DCDC2: variants seen among roughly 807,000 people sequenced by gnomAD.
DCDC2 encodes the protein doublecortin domain-containing protein 2.
In DCDC2, 40 loss-of-function variants were observed where a neutral mutation model predicts 50.2. That is an observed-to-expected ratio of 0.80 (90% CI 0.62 to 1.04). The LOEUF is 1.04. Among genes scored for constraint, DCDC2 ranks in the 50% least tolerant of loss-of-function variants. The pLI is 0.00. For synonymous variants in DCDC2, 234 were observed against 210.6 expected (o/e 1.11, Z -0.96); for missense variants, 570 against 581.9 (o/e 0.98, Z 0.21).
At chr6:24,377,380 C>G in the DCDC2 span, among the ~76,000 whole-genome samples, 1 of 152,130 alleles carries the variant, frequency 6.6e-6, no homozygotes, top group Non-Finnish European at 1.5e-5. Flanking sequence ...AAAAAGCTGA[C>G]TAGAGATTCA....
At chr6:24,266,965 A>G (rs1022286174) in intron 7 of DCDC2, among the ~76,000 whole-genome samples, 2 of 152,238 alleles carry the variant, frequency 1.3e-5, no homozygotes, top group Non-Finnish European at 2.9e-5. Flanking sequence ...CCAGAGTATT[A>G]TCAACCCATA....
At chr6:24,183,011 A>G (rs141763483) in intron 8 of DCDC2, among the ~76,000 whole-genome samples, 237 of 152,360 alleles carry the variant, frequency 1.6e-3, no homozygotes, top group African/African-American at 5.4e-3. Context: ...TGCATGAAAC[A>G]GAGATATTAT....
intron 2 of DCDC2, among the ~76,000 whole-genome samples, chr6:24,319,272 G>T (rs544260138): frequency 1.6e-5 from 2 of 127,622 alleles, no homozygotes; most frequent in African/African-American, 5.7e-5. Flanking sequence ...ACTTTTTAAT[G>T]AAATTATTTG....
chr6:24,245,279 G>A (rs1394071067), intron 7 of DCDC2, among the ~76,000 whole-genome samples: 5 of 152,152 alleles, frequency 3.3e-5, no homozygotes, highest in Non-Finnish European at 7.3e-5. Context: ...GGTTCGAGCG[G>A]CTGGGAGCTA....
intron 5 of DCDC2, among the ~76,000 whole-genome samples, chr6:24,289,794 G>C (rs1763699323): frequency 6.6e-6 from 1 of 152,036 alleles, no homozygotes; most frequent in East Asian, 1.9e-4. Context: ...TACACAAATT[G>C]TGAATTAATT....
intron 2 of DCDC2, among the ~76,000 whole-genome samples, chr6:24,316,992 TAGAG>T (rs71789198): frequency 0.13 from 18,777 of 149,258 alleles, 1,297 homozygotes; most frequent in East Asian, 0.34. Context: ...CATATATATG[TAGAG>T]AGAGAGAGAG....
intron 2 of DCDC2, among the ~76,000 whole-genome samples, chr6:24,334,210 T>C (rs372968455): frequency 4.6e-5 from 7 of 152,176 alleles, no homozygotes; most frequent in South Asian, 2.1e-4. Flanking sequence ...AGGTTGTACA[T>C]AGAGAGTCAA....
intron 8 of DCDC2, among the ~76,000 whole-genome samples, chr6:24,187,210 A>C (rs998889288): frequency 1.3e-5 from 2 of 152,156 alleles, no homozygotes; most frequent in Non-Finnish European, 2.9e-5. Context: ...CAATGGAAAG[A>C]GGGATGGCTG....
At chr6:24,216,412 C>A (rs1761977854) in intron 7 of DCDC2, among the ~76,000 whole-genome samples, 1 of 152,128 alleles carries the variant, frequency 6.6e-6, no homozygotes, top group African/African-American at 2.4e-5. Context: ...AAGTGTCCCG[C>A]CATTTGGGGA....
chr6:24,362,400 T>G (rs1357135172), upstream of DCDC2, among the ~76,000 whole-genome samples: 1 of 143,196 alleles, frequency 7.0e-6, no homozygotes, highest in African/African-American at 2.5e-5. Flanking sequence ...TTTATTTAAT[T>G]GTATATTTAT....
At chr6:24,232,034 C>CAT (rs1762348083) in intron 7 of DCDC2, among the ~76,000 whole-genome samples, 1 of 146,856 alleles carries the variant, frequency 6.8e-6, no homozygotes, top group African/African-American at 2.6e-5. Flanking sequence ...CACACATACA[C>CAT]ACATACATAC....
At chr6:24,220,879 A>AGAGCGAGCGAGC (rs111880904) in intron 7 of DCDC2, among the ~76,000 whole-genome samples, 2 of 107,032 alleles carry the variant, frequency 1.9e-5, no homozygotes, top group South Asian at 3.1e-4. Context: ...CAAGAGAGCG[A>AGAGCGAGCGAGC]GAGCGAGAGA....
At chr6:24,177,103 T>C (rs1760933177) in intron 9 of DCDC2, among the ~76,000 whole-genome samples, 2 of 152,236 alleles carry the variant, frequency 1.3e-5, no homozygotes, top group South Asian at 4.1e-4. Context: ...GATTTCATTT[T>C]GTAAGCTTTC....
In DCDC2 at chr6:24,357,840, A is replaced by C. The variant is rs1760508652; in HGVS notation, c.-90T>G. ...GGCCTCACCGCACCCAGGGCGCGGG[A>C]TCGCCTCCTGAAACGAACGAGAAAC... is the stretch of plus-strand genomic sequence containing the variant. On this transcript the variant is annotated 5_prime_UTR_variant, in exon 1 of 10. Coordinates refer to ENST00000378454, the MANE Select transcript of DCDC2 (RefSeq NM_016356.5). The C allele has an allele frequency of 6.3e-7, 1 of 1,598,790 alleles. No individual in the cohort carries two copies. Among genetic ancestry groups the C allele is most frequent in the East Asian group, 2.2e-5 (1 of 44,604 alleles).
intron 2 of DCDC2, among the ~76,000 whole-genome samples, chr6:24,313,903 G>C (rs1470296302): frequency 6.6e-6 from 1 of 152,190 alleles, no homozygotes; most frequent in African/African-American, 2.4e-5. Flanking sequence ...AGCTTACAGG[G>C]ATGGCAGACA....
intron 2 of DCDC2, among the ~76,000 whole-genome samples, chr6:24,309,036 A>G (rs1325804139): frequency 6.6e-6 from 1 of 152,190 alleles, no homozygotes; most frequent in Non-Finnish European, 1.5e-5. Context: ...TATGTGAGTA[A>G]TTTTTAAAAC....
chr6:24,352,657 C>T (rs868622922), intron 2 of DCDC2, among the ~76,000 whole-genome samples: 2 of 152,204 alleles, frequency 1.3e-5, no homozygotes, highest in Middle Eastern at 3.4e-3. Context: ...TCTAGAGGGG[C>T]CTATTTGGTC....
At chr6:24,327,369 T>G (rs1759888159) in intron 2 of DCDC2, among the ~76,000 whole-genome samples, 1 of 149,708 alleles carries the variant, frequency 6.7e-6, no homozygotes, top group Non-Finnish European at 1.5e-5. Flanking sequence ...CTTTAGCAAC[T>G]GTCAGCATGT....
At chr6:24,354,075 TTAA>T (rs1387264343) in intron 1 of DCDC2, among the ~76,000 whole-genome samples, 3 of 152,176 alleles carry the variant, frequency 2.0e-5, no homozygotes, top group African/African-American at 7.2e-5. Flanking sequence ...TGAGAGCACC[TTAA>T]TGATACAAAA....
Sources: allele counts gnomAD v4.1 joint callset (sites outside exome capture counted in the v4.1 genomes callset), GRCh38; gene constraint gnomAD v4.1.1; transcripts MANE v1.5; gene names NCBI Gene and HGNC (gene_info 2026-07-23, HGNC 2026-07-21).